Variants in UBR1 observed in about 807,000 individuals in gnomAD.
UBR1 encodes the protein ubiquitin protein ligase E3 component n-recognin 1, also known as E3 ubiquitin-protein ligase UBR1.
In UBR1, 102 loss-of-function variants were observed where a neutral mutation model predicts 242.1. The ratio of observed to expected loss-of-function variants is 0.42; its 90% CI spans 0.36 to 0.50. The LOEUF is 0.50. UBR1 is among the 20% of genes least tolerant of loss of function. The pLI, the probability that UBR1 is intolerant of heterozygous loss-of-function variation, is 0.01. For synonymous variants in UBR1, 675 were observed against 684.8 expected (o/e 0.99, Z 0.22); for missense variants, 1,772 against 2,101.8 (o/e 0.84, Z 3.07).
intron 32 of UBR1, among the ~76,000 whole-genome samples, chr15:42,999,865 A>C (rs1465279186): frequency 6.6e-6 from 1 of 152,144 alleles, no homozygotes; most frequent in Admixed American, 6.5e-5. Context: ...TATTAAAAAT[A>C]AAATAGGAAT....
At chr15:42,970,706 C>A in intron 39 of UBR1, 99 bp from the exon 40 acceptor site, 4 of 1,053,254 alleles carry the variant, frequency 3.8e-6, no homozygotes, top group Non-Finnish European at 5.7e-6. Flanking sequence ...AACGTAGATT[C>A]ATTCAACTGA....
intron 22 of UBR1, 95 bp from the exon 23 acceptor site, chr15:43,026,758 A>G: frequency 9.4e-7 from 1 of 1,062,640 alleles, no homozygotes; most frequent in Non-Finnish European, 1.4e-6. Context: ...GAAGTCAAAT[A>G]TACAGAAAAA....
chr15:43,096,132 T>G (rs915761319), intron 1 of UBR1, among the ~76,000 whole-genome samples: 2 of 152,024 alleles, frequency 1.3e-5, no homozygotes, highest in Non-Finnish European at 2.9e-5. Context: ...ACTGATTAGG[T>G]TGGTGATTGC....
At chr15:43,054,501 TC>T (rs1945358541) in intron 12 of UBR1, among the ~76,000 whole-genome samples, 1 of 152,192 alleles carries the variant, frequency 6.6e-6, no homozygotes, top group African/African-American at 2.4e-5. Flanking sequence ...CCCCAGGAGA[TC>T]CCAAGTTCCT....
intron 29 of UBR1, among the ~76,000 whole-genome samples, chr15:43,009,138 A>C (rs142665860): frequency 6.6e-6 from 1 of 152,364 alleles, no homozygotes; most frequent in Non-Finnish European, 1.5e-5. Context: ...AGAAGGAGAG[A>C]AGAGCTGTGG....
chr15:42,986,251 G>A (rs1177308824), intron 35 of UBR1, among the ~76,000 whole-genome samples: 1 of 152,088 alleles, frequency 6.6e-6, no homozygotes, highest in Non-Finnish European at 1.5e-5. Context: ...CAGGGACTGA[G>A]ATAAGTTAGT....
At chr15:43,100,646 C>A (rs776799339) in intron 1 of UBR1, among the ~76,000 whole-genome samples, 26 of 152,158 alleles carry the variant, frequency 1.7e-4, no homozygotes, top group Non-Finnish European at 3.4e-4. Flanking sequence ...ACCATCCTGG[C>A]CAACATGGTG....
intron 37 of UBR1, among the ~76,000 whole-genome samples, chr15:42,979,209 CT>C (rs533735378): frequency 3.2e-3 from 440 of 138,222 alleles, no homozygotes; most frequent in Middle Eastern, 3.8e-3. Context: ...TTCTTTTTTT[CT>C]TTTTTTTTTT....
chr15:43,020,306 G>T (rs542175657), intron 27 of UBR1, among the ~76,000 whole-genome samples: 88 of 152,288 alleles, frequency 5.8e-4, no homozygotes, highest in African/African-American at 1.7e-3. Flanking sequence ...CTCCCAAAGT[G>T]CTGGGATTAC....
At chr15:43,079,090 T>C (rs1425375948) in intron 3 of UBR1, among the ~76,000 whole-genome samples, 1 of 152,036 alleles carries the variant, frequency 6.6e-6, no homozygotes, top group African/African-American at 2.4e-5. Context: ...GAGAAAGTCA[T>C]TGAAATGGGG....
chr15:42,970,538 A>G lies in UBR1; in HGVS notation c.4439T>C (p.Ile1480Thr), dbSNP rs2032187125. 6.2e-7 allele frequency: 1 copy of G among 1,613,644 alleles called. No individual in the cohort carries two copies. The highest frequency in any genetic ancestry group is 8.5e-7 in the Non-Finnish European group (1 of 1,179,996). Residue 1480 changes from isoleucine (I) to threonine (T), a missense_variant, in exon 40 of 47, where the codon ATT (isoleucine) becomes ACT (threonine). Transcript: ENST00000290650. Reference protein sequence around the residue: ...AHSASSFFAEISQYTSGSIGC... With the variant: ...AHSASSFFAETSQYTSGSIGC... ...TACTCACCCACTTGTATATTGAGAA[A>G]TTTCTGCAAAGAAAGAAGATGCGGA...
At chr15:42,997,375 T>C (rs989222213) in intron 33 of UBR1, among the ~76,000 whole-genome samples, 1 of 152,168 alleles carries the variant, frequency 6.6e-6, no homozygotes, top group African/African-American at 2.4e-5. Context: ...GTAATAATAA[T>C]AGAAATAAAA....
At chr15:42,964,160 T>C (rs1490928052) in intron 41 of UBR1, 117 bp from the exon 42 acceptor site, 3 of 776,314 alleles carry the variant, frequency 3.9e-6, no homozygotes, top group South Asian at 2.9e-5. Flanking sequence ...GAGGGTATAT[T>C]GCTTATTCTA....
At chr15:43,104,574 A>G (rs2034274180) in intron 1 of UBR1, among the ~76,000 whole-genome samples, 1 of 152,000 alleles carries the variant, frequency 6.6e-6, no homozygotes, top group Non-Finnish European at 1.5e-5. Context: ...TCCTTTTTCC[A>G]ACTCCCTCCC....
At position 42,989,913 on chromosome 15, in the gene UBR1, A is replaced by C. The variant is rs142255924; in HGVS notation, c.3848+117T>G. On this transcript the variant is annotated intron_variant, in intron 34 of 46. Coordinates refer to ENST00000290650, the MANE Select transcript of UBR1 (RefSeq NM_174916.3). ...ATAAAACAAACGAGAAAGAAACAAG[A>C]TAATGGGATAAACTATTTTACAAAT... 781 of 784,396 alleles carry C rather than the reference A, an allele frequency of 1.0e-3. 4 individuals are homozygous for C. In the African/African-American group the frequency reaches 0.012, roughly 12 times the overall value. The allele number at this position is 784,396 out of a possible 1,614,324, so 48.6% of individuals were successfully genotyped here. A position where few individuals can be genotyped will look rare whatever the true frequency, so the allele number is the denominator to read the frequency against.
At chr15:42,999,376 A>G (rs910751796) in intron 32 of UBR1, among the ~76,000 whole-genome samples, 9 of 152,226 alleles carry the variant, frequency 5.9e-5, no homozygotes, top group African/African-American at 2.2e-4. Flanking sequence ...TCTGTCTATA[A>G]ATAGCCTCAT....
intron 3 of UBR1, among the ~76,000 whole-genome samples, chr15:43,077,996 C>T (rs925062400): frequency 2.0e-5 from 3 of 152,110 alleles, no homozygotes; most frequent in Admixed American, 1.3e-4. Flanking sequence ...GTTCATATGA[C>T]GTACTCCAAA....
chr15:42,991,100 C>T (rs779992704), intron 33 of UBR1, among the ~76,000 whole-genome samples: 1 of 151,616 alleles, frequency 6.6e-6, no homozygotes, highest in Non-Finnish European at 1.5e-5. Flanking sequence ...CATGGTGAAA[C>T]CTCATCTCTA....
intron 40 of UBR1, among the ~76,000 whole-genome samples, chr15:42,969,934 A>G (rs921890519): frequency 6.6e-6 from 1 of 152,234 alleles, no homozygotes; most frequent in African/African-American, 2.4e-5. Flanking sequence ...TAATTTATAG[A>G]TTCAATGCTA....
Sources: gnomAD v4.1 joint callset for allele counts (sites outside exome capture counted in the v4.1 genomes callset) on GRCh38, gnomAD v4.1.1 for gene constraint, MANE v1.5 for transcripts, NCBI Gene and HGNC (gene_info 2026-07-23, HGNC 2026-07-21) for gene names.